Variants in UACA observed in about 807,000 individuals in gnomAD.
UACA encodes nuclear membrane binding protein.
UACA carries 112 observed loss-of-function variants against 160.5 expected under a neutral mutation model. The observed-to-expected ratio is 0.70, with a 90% CI of 0.60 to 0.82. The LOEUF is 0.82. Among genes scored for constraint, UACA ranks in the 40% least tolerant of loss-of-function variants. UACA has a pLI of 0.00. For synonymous variants in UACA, 557 were observed against 568.4 expected (o/e 0.98, Z 0.29); for missense variants, 1,574 against 1,614.6 (o/e 0.97, Z 0.43).
At chr15:70,696,766 T>C (rs1000372863) in intron 2 of UACA, among the ~76,000 whole-genome samples, 8 of 152,316 alleles carry the variant, frequency 5.3e-5, no homozygotes, top group African/African-American at 1.4e-4. Context: ...GCTAATTTCC[T>C]TTAGCAAAGG....
At chr15:70,722,746 T>C (rs1899029237) in intron 1 of UACA, among the ~76,000 whole-genome samples, 1 of 152,252 alleles carries the variant, frequency 6.6e-6, no homozygotes, top group African/African-American at 2.4e-5. Flanking sequence ...ATGAGTTCAC[T>C]GGAATTGCTT....
rs1164630337 is a variant in UACA at position 70,740,018 on chromosome 15, A to G, written c.78+23312T>C. ...CAGTAGAAAGTATTAATTTTTTAGT[A>G]AGTACAACAAATCAAAATATACCTT... is the stretch of plus-strand genomic sequence containing the variant. On this transcript the variant is annotated intron_variant, in intron 1 of 18. Transcript: ENST00000322954. Among the ~76,000 whole-genome samples, 4 of 152,328 alleles carry G rather than the reference A, an allele frequency of 2.6e-5. No individual in the cohort carries two copies. In the East Asian group the frequency reaches 7.7e-4, roughly 29 times the overall value.
At chr15:70,729,485 G>A (rs971281353) in intron 1 of UACA, among the ~76,000 whole-genome samples, 1 of 152,068 alleles carries the variant, frequency 6.6e-6, no homozygotes, top group Non-Finnish European at 1.5e-5. Flanking sequence ...ACTAAACACT[G>A]AGTACACATG....
chr15:70,726,285 A>T (rs905634498), intron 1 of UACA, among the ~76,000 whole-genome samples: 1 of 152,180 alleles, frequency 6.6e-6, no homozygotes, highest in Admixed American at 6.5e-5. Flanking sequence ...TACCAAGATG[A>T]CAAAAGGCCT....
chr15:70,721,814 G>A (rs1899002517), intron 1 of UACA, among the ~76,000 whole-genome samples: 1 of 152,074 alleles, frequency 6.6e-6, no homozygotes, highest in Admixed American at 6.6e-5. Context: ...ACTCAAACCT[G>A]AGATTATCTA....
chr15:70,725,606 C>G (rs1192379004), intron 1 of UACA, among the ~76,000 whole-genome samples: 1 of 152,168 alleles, frequency 6.6e-6, no homozygotes, highest in Admixed American at 6.5e-5. Context: ...AGGAGGACCT[C>G]TCATGGTGGA....
At chr15:70,666,407 C>T (rs1210509567) in intron 16 of UACA, among the ~76,000 whole-genome samples, 1 of 152,306 alleles carries the variant, frequency 6.6e-6, no homozygotes, top group East Asian at 1.9e-4. Context: ...AGAGCTTCCC[C>T]ACCACCCTCT....
intron 1 of UACA, among the ~76,000 whole-genome samples, chr15:70,714,260 G>T (rs940066707): frequency 6.6e-6 from 1 of 152,056 alleles, no homozygotes; most frequent in South Asian, 2.1e-4. Context: ...TAGTCCAAAG[G>T]TTATTTATTA....
chr15:70,721,352 G>A lies in UACA; in HGVS notation c.79-21692C>T, dbSNP rs796546924. Among the ~76,000 whole-genome samples the A allele has an allele frequency of 4.6e-5, 7 of 152,186 alleles. No individual in the cohort carries two copies. The South Asian group carries it at 1.4e-3, about 31-fold the overall frequency. ...TATAAAACTACAGTTGCGGATGGGC[G>A]CGGTGGCTCACGCCTGTAATCCCAG... On this transcript the variant is annotated intron_variant, in intron 1 of 18. Coordinates refer to ENST00000322954, the MANE Select transcript of UACA (RefSeq NM_018003.4).
At chr15:70,662,287 AG>A (rs1896737093) in intron 17 of UACA, among the ~76,000 whole-genome samples, 1 of 152,238 alleles carries the variant, frequency 6.6e-6, no homozygotes. Flanking sequence ...TAAAATACCT[AG>A]GAATCCAACT....
intron 1 of UACA, among the ~76,000 whole-genome samples, chr15:70,710,246 CCCTGT>C (rs1898643425): frequency 6.6e-6 from 1 of 152,052 alleles, no homozygotes; most frequent in Non-Finnish European, 1.5e-5. Flanking sequence ...TACAGCAAGA[CCCTGT>C]CTCCAAAAAA....
chr15:70,767,068 G>A (rs1454385642), upstream of UACA, among the ~76,000 whole-genome samples: 3 of 151,110 alleles, frequency 2.0e-5, no homozygotes, highest in Non-Finnish European at 2.9e-5. Context: ...GTGAAACCCC[G>A]TCTCCACTAA....
Position 70,702,384 on chromosome 15 carries a change from C to T in UACA, c.79-2724G>A, listed in dbSNP as rs796076781. 5.6e-6 allele frequency: 5 copies of T among 889,930 alleles called. No individual in the cohort carries two copies. The South Asian group carries it at 2.6e-4, about 46-fold the overall frequency. The allele number at this position is 889,930 out of a possible 1,614,324, so 55.1% of individuals were successfully genotyped here. On this transcript the variant is annotated intron_variant, in intron 1 of 18. Transcript: ENST00000322954. Reference sequence around the variant, plus strand: ...CATTGGTTGAGTTCTACTTTAGATTCCATAGGACTTGACAGCTGAATGATA... The same window carrying T: ...CATTGGTTGAGTTCTACTTTAGATTTCATAGGACTTGACAGCTGAATGATA...
At chr15:70,686,100 G>A (rs1897705600) in intron 7 of UACA, among the ~76,000 whole-genome samples, 1 of 149,574 alleles carries the variant, frequency 6.7e-6, no homozygotes, top group Non-Finnish European at 1.5e-5. Flanking sequence ...CAAAAACAAA[G>A]TAATATTAAA....
intron 1 of UACA, among the ~76,000 whole-genome samples, chr15:70,715,742 A>G (rs1385597105): frequency 3.3e-5 from 5 of 152,196 alleles, no homozygotes; most frequent in Non-Finnish European, 7.4e-5. Flanking sequence ...CCATATTAAA[A>G]ATACATGGCC....
intron 7 of UACA, among the ~76,000 whole-genome samples, chr15:70,685,922 G>A (rs1427040130): frequency 5.3e-5 from 8 of 151,904 alleles, no homozygotes; most frequent in South Asian, 2.1e-4. Context: ...TTACAGGCAC[G>A]CACCACCACA....
At position 70,725,352 on chromosome 15, in the gene UACA, T is replaced by C. The variant is rs77036395; in HGVS notation, c.79-25692A>G. ...GGTACTATATGTGCCCTCCCTCCCA[T>C]GGTGAATATGGATAAATCAAGCTTA... On this transcript the variant is annotated intron_variant, in intron 1 of 18. Coordinates refer to ENST00000322954, the MANE Select transcript of UACA (RefSeq NM_018003.4). 6.4e-4 allele frequency among the ~76,000 whole-genome samples: 97 copies of C among 152,252 alleles called. 2 individuals are homozygous for C. In the East Asian group the frequency reaches 0.013, roughly 21 times the overall value.
At chr15:70,695,663 A>T (rs1176988283) in intron 2 of UACA, among the ~76,000 whole-genome samples, 1 of 152,152 alleles carries the variant, frequency 6.6e-6, no homozygotes, top group African/African-American at 2.4e-5. Context: ...ACTAATTACC[A>T]ACTACCAACT....
intron 1 of UACA, among the ~76,000 whole-genome samples, chr15:70,760,891 C>T (rs1320342102): frequency 6.6e-6 from 1 of 151,072 alleles, no homozygotes; most frequent in Non-Finnish European, 1.5e-5. Context: ...AAACTTTGAA[C>T]AGACTTCTAT....
Sources: gnomAD v4.1 joint callset for allele counts (sites outside exome capture counted in the v4.1 genomes callset) on GRCh38, gnomAD v4.1.1 for gene constraint, MANE v1.5 for transcripts, NCBI Gene and HGNC (gene_info 2026-07-23, HGNC 2026-07-21) for gene names.